Variants in MRTFB observed in about 807,000 individuals in gnomAD.
MRTFB encodes myocardin-related transcription factor B.
In MRTFB, 29 loss-of-function variants were observed where a neutral mutation model predicts 104.2. The observed-to-expected ratio is 0.28, with a 90% CI of 0.21 to 0.38. MRTFB has a LOEUF of 0.38. MRTFB is among the 10% of genes least tolerant of loss of function. MRTFB has a pLI of 1.00. For synonymous variants in MRTFB, 535 were observed against 519.5 expected (o/e 1.03, Z -0.41); for missense variants, 1,270 against 1,341.6 (o/e 0.95, Z 0.83).
the MRTFB span, among the ~76,000 whole-genome samples, chr16:14,046,780 A>C: frequency 6.6e-6 from 1 of 152,248 alleles, no homozygotes; most frequent in Non-Finnish European, 1.5e-5. Flanking sequence ...CGGCTGCAGA[A>C]GCACACAGAG....
intron 8 of MRTFB, among the ~76,000 whole-genome samples, chr16:14,229,810 G>C (rs2042176969): frequency 6.6e-6 from 1 of 151,866 alleles, no homozygotes; most frequent in Non-Finnish European, 1.5e-5. Context: ...TTCTTGTATG[G>C]GTTTCTGATG....
At chr16:14,071,154 C>T (rs1380127488), upstream of MRTFB, among the ~76,000 whole-genome samples, 1 of 152,074 alleles carries the variant, frequency 6.6e-6, no homozygotes, top group African/African-American at 2.4e-5. Context: ...CGGGAGTGGG[C>T]GGAGTGCACG....
the MRTFB span, among the ~76,000 whole-genome samples, chr16:13,999,230 A>G: frequency 6.6e-6 from 1 of 151,638 alleles, no homozygotes; most frequent in Non-Finnish European, 1.5e-5. Flanking sequence ...CTAACCTCAG[A>G]GGCTTTCCTG....
At chr16:14,171,032 T>C (rs747315892) in intron 3 of MRTFB, among the ~76,000 whole-genome samples, 4 of 152,228 alleles carry the variant, frequency 2.6e-5, no homozygotes, top group Non-Finnish European at 5.9e-5. Flanking sequence ...GCTCAAAGTG[T>C]CTCAGATTTG....
At chr16:14,020,589 A>G in the MRTFB span, 3 of 152,356 alleles carry the variant, frequency 2.0e-5, no homozygotes, top group East Asian at 1.9e-4. Context: ...CTGACCCTGC[A>G]TGAAAGAAGG....
chr16:14,130,268 G>C (rs117417765), intron 2 of MRTFB, among the ~76,000 whole-genome samples: 1 of 152,126 alleles, frequency 6.6e-6, no homozygotes, highest in Non-Finnish European at 1.5e-5. Flanking sequence ...TTACTAAGGG[G>C]TCAGTAGTTT....
intron 2 of MRTFB, among the ~76,000 whole-genome samples, chr16:14,105,363 G>A (rs548453798): frequency 1.8e-4 from 27 of 151,796 alleles, no homozygotes; most frequent in Non-Finnish European, 3.5e-4. Flanking sequence ...GTTGCACTTT[G>A]TATAGCTATG....
chr16:14,055,333 A>G, the MRTFB span, among the ~76,000 whole-genome samples: 4 of 152,214 alleles, frequency 2.6e-5, no homozygotes, highest in East Asian at 5.8e-4. Context: ...CCTGGGCAAC[A>G]AGAGTGAAAC....
chr16:14,054,486 G>C, the MRTFB span, among the ~76,000 whole-genome samples: 1 of 152,214 alleles, frequency 6.6e-6, no homozygotes, highest in East Asian at 1.9e-4. Flanking sequence ...CAAAGTGCTA[G>C]GATTACAGGC....
chr16:14,128,273 GA>G (rs1176216790), intron 2 of MRTFB, among the ~76,000 whole-genome samples: 1 of 152,138 alleles, frequency 6.6e-6, no homozygotes, highest in African/African-American at 2.4e-5. Context: ...AGCGTGATCT[GA>G]GAGTGGAGTT....
chr16:14,225,238 T>C (rs1372752269), intron 8 of MRTFB, among the ~76,000 whole-genome samples: 1 of 152,172 alleles, frequency 6.6e-6, no homozygotes, highest in Non-Finnish European at 1.5e-5. Flanking sequence ...AACAGTATTA[T>C]AATTTTGGTC....
At chr16:14,055,307 C>T in the MRTFB span, among the ~76,000 whole-genome samples, 5 of 152,312 alleles carry the variant, frequency 3.3e-5, no homozygotes, top group South Asian at 2.1e-4. Context: ...GCCGAGATTG[C>T]GCCACTGCAC....
chr16:14,118,289 A>G (rs1039224274), intron 2 of MRTFB, among the ~76,000 whole-genome samples: 3 of 151,678 alleles, frequency 2.0e-5, no homozygotes, highest in African/African-American at 7.3e-5. Context: ...GGCACACGCC[A>G]CCACACCCAG....
the MRTFB span, among the ~76,000 whole-genome samples, chr16:14,025,797 TG>T: frequency 1.3e-5 from 2 of 152,134 alleles, no homozygotes; most frequent in African/African-American, 2.4e-5. Flanking sequence ...AAGGGCACCA[TG>T]CAAAAAAATG....
chr16:14,249,101 C>T lies in MRTFB; in HGVS notation c.2403+20C>T, dbSNP rs1257323939. The T allele has an allele frequency of 3.1e-6, 5 of 1,609,616 alleles. No individual in the cohort carries two copies. The highest frequency in any genetic ancestry group is 4.2e-6 in the Non-Finnish European group (5 of 1,177,836). On this transcript the variant is annotated intron_variant, in intron 13 of 16. Coordinates refer to ENST00000571589, the MANE Select transcript of MRTFB (RefSeq NM_001308142.2). ...AGAAAGGTTTGTAAATGCCAAGGAGCAATAGAATGTCGCTGATTTTTACCA... is the reference window on the plus strand; with the variant it reads ...AGAAAGGTTTGTAAATGCCAAGGAGTAATAGAATGTCGCTGATTTTTACCA...
At chr16:14,161,016 T>C (rs1597115415) in intron 3 of MRTFB, among the ~76,000 whole-genome samples, 1 of 151,186 alleles carries the variant, frequency 6.6e-6, no homozygotes, top group Admixed American at 6.6e-5. Context: ...ATCTGAGAAA[T>C]AGACATGTTT....
the MRTFB span, among the ~76,000 whole-genome samples, chr16:14,002,141 G>A: frequency 6.6e-6 from 1 of 152,162 alleles, no homozygotes; most frequent in Non-Finnish European, 1.5e-5. Flanking sequence ...CCAGTACTTT[G>A]GGAGGCTGAG....
intron 1 of MRTFB, among the ~76,000 whole-genome samples, 173 bp downstream of exon 1, chr16:14,071,538 C>A (rs1159639249): frequency 2.7e-5 from 4 of 148,688 alleles, no homozygotes. Flanking sequence ...CCGGGACTCG[C>A]GCGGGGCGGG....
intron 2 of MRTFB, among the ~76,000 whole-genome samples, chr16:14,128,008 GTC>G (rs1252948872): frequency 1.5e-5 from 2 of 134,832 alleles, no homozygotes; most frequent in African/African-American, 2.7e-5. Flanking sequence ...GGTCCATTCT[GTC>G]TGCATGCAGT....
Sources: gnomAD v4.1 joint callset for allele counts (sites outside exome capture counted in the v4.1 genomes callset) on GRCh38, gnomAD v4.1.1 for gene constraint, MANE v1.5 for transcripts, NCBI Gene and HGNC (gene_info 2026-07-23, HGNC 2026-07-21) for gene names.